RRM2: variants seen among roughly 807,000 people sequenced by gnomAD.
RRM2 encodes ribonucleoside-diphosphate reductase subunit M2.
Under a neutral mutation model 45.9 loss-of-function variants are expected in RRM2, and 6 were observed. The ratio of observed to expected loss-of-function variants is 0.13; its 90% CI spans 0.07 to 0.26. The LOEUF (loss-of-function observed/expected upper bound fraction) is 0.26, where lower values mean the gene tolerates loss of function less well. Among genes scored for constraint, RRM2 ranks in the 10% least tolerant of loss-of-function variants. The pLI, the probability that RRM2 is intolerant of heterozygous loss-of-function variation, is 1.00. For synonymous variants in RRM2, 177 were observed against 173.0 expected (o/e 1.02, Z -0.18); for missense variants, 343 against 489.5 (o/e 0.70, Z 2.82).
rs766886680 is a variant in RRM2 at position 10,123,004 on chromosome 2, C to G, written c.121C>G (p.Arg41Gly). The change falls in exon 2 of 10, where the codon CGC becomes GGC. Residue 41 changes from arginine to glycine, a missense_variant. Arg to Gly is a moderately radical substitution (Grantham distance 125). Coordinates refer to ENST00000304567, the MANE Select transcript of RRM2 (RefSeq NM_001034.4). The stretch of plus-strand genomic sequence containing the variant: ...GCAGCCGCCGGCCCTGAGCGGGACC[C>G]GCGTCCTGGCCAGCAAGACCGCGAG... ...ENTPPALSGTRVLASKTARRI... is the reference protein window; with the variant it reads ...ENTPPALSGTGVLASKTARRI... The G allele has an allele frequency of 1.3e-6, 2 of 1,562,244 alleles. No individual in the cohort carries two copies. Among genetic ancestry groups the G allele is most frequent in the African/African-American group, 1.3e-5 (1 of 74,340 alleles).
intron 3 of RRM2, among the ~76,000 whole-genome samples, chr2:10,176,211 G>GT (rs547983131): frequency 6.6e-6 from 1 of 152,106 alleles, no homozygotes; most frequent in Non-Finnish European, 1.5e-5. Context: ...CCTGTTTTCA[G>GT]TTTTTTTGGG....
At position 10,123,443 on chromosome 2, in the gene RRM2, C is replaced by T. The variant is rs748712181; in HGVS notation, c.231C>T (p.Pro77=). ...ATGAGCCGCTGCTGAGAGAAAACCC[C>T]CGCCGCTTTGTCATCTTCCCCATCG... The part of the protein sequence containing the change: ...VEDEPLLREN[P]RRFVIFPIEY... The change falls in exon 3 of 10, where the codon CCC becomes CCT. Residue 77 remains proline, a synonymous_variant. Transcript: ENST00000304567. 19 of 1,614,086 alleles carry T rather than the reference C, an allele frequency of 1.2e-5. No individual in the cohort carries two copies. The highest frequency in any genetic ancestry group is 2.5e-6 in the Non-Finnish European group (3 of 1,180,038).
chr2:10,173,784 C>T (rs1032580006), intron 3 of RRM2, among the ~76,000 whole-genome samples: 2 of 152,240 alleles, frequency 1.3e-5, no homozygotes, highest in Admixed American at 6.5e-5. Flanking sequence ...CGAGGGCCTG[C>T]GTCTTCCGGG....
In RRM2 at chr2:10,172,710, G is replaced by A. The variant is rs975244381; in HGVS notation, n.482+30335G>A. On this transcript the variant is annotated intron_variant and non_coding_transcript_variant, in intron 3 of 3. Transcript: ENST00000381786. This position sits in a 1 kb window ranked among gnomAD's most constrained non-coding sequence, Gnocchi z 4.9. ...TGAATAGAATCCTGGCGAAGGGAGG[G>A]GCTGGGTGTGTTGTTGCTGCACCCA... 6.6e-6 allele frequency among the ~76,000 whole-genome samples: 1 copy of A among 152,190 alleles called. No individual in the cohort carries two copies. The highest frequency in any genetic ancestry group is 1.5e-5 in the Non-Finnish European group (1 of 68,048).
In RRM2 at chr2:10,127,824, TTTA is replaced by T. The variant is rs1238958899; in HGVS notation, c.798+610_798+612del. Among the ~76,000 whole-genome samples the T allele has an allele frequency of 2.6e-5, 4 of 152,146 alleles. No individual in the cohort carries two copies. In the East Asian group the frequency reaches 5.8e-4, roughly 22 times the overall value. The stretch of plus-strand genomic sequence containing the variant: ...ATGGGATTGGGATTTTAAGGGATGT[TTTA>T]TTATTTTTGCCTGGTATTAATATGT... On this transcript the variant is annotated intron_variant, in intron 7 of 9. Coordinates refer to ENST00000304567, the MANE Select transcript of RRM2 (RefSeq NM_001034.4). This position sits in a 1 kb window ranked among gnomAD's most constrained non-coding sequence, Gnocchi z 4.1.
chr2:10,127,410 C>G lies in RRM2; in HGVS notation c.798+190C>G. On this transcript the variant is annotated intron_variant, in intron 7 of 9. Coordinates refer to ENST00000304567, the MANE Select transcript of RRM2 (RefSeq NM_001034.4). The surrounding 1 kb of genome is among the most constrained non-coding windows in gnomAD (Gnocchi z 4.1). ...ACTGAAACTGTTTTACTTGCATTCTCAATATATTGTAATACATTTGTACAT... is the reference window on the plus strand; with the variant it reads ...ACTGAAACTGTTTTACTTGCATTCTGAATATATTGTAATACATTTGTACAT... 2 of 608,784 alleles carry G rather than the reference C, an allele frequency of 3.3e-6. No individual in the cohort carries two copies. The highest frequency in any genetic ancestry group is 5.7e-6 in the Non-Finnish European group (2 of 349,034). 37.7% of individuals were successfully genotyped at this position (608,784 alleles called of 1,614,324 possible).
chr2:10,188,449 C>T (rs1343389214), intron 3 of RRM2, among the ~76,000 whole-genome samples: 5 of 152,202 alleles, frequency 3.3e-5, no homozygotes, highest in Non-Finnish European at 5.9e-5. Flanking sequence ...CCTGGAGTCT[C>T]GCCCTCATCT....
At chr2:10,140,732 G>C (rs1663064206), upstream of RRM2, among the ~76,000 whole-genome samples, 1 of 152,238 alleles carries the variant, frequency 6.6e-6, no homozygotes, top group African/African-American at 2.4e-5. Flanking sequence ...GGATAGAGAG[G>C]AAGGTGTCCC....
At chr2:10,160,674 G>A (rs1026154432) in intron 3 of RRM2, among the ~76,000 whole-genome samples, 1 of 152,000 alleles carries the variant, frequency 6.6e-6, no homozygotes, top group Non-Finnish European at 1.5e-5. Flanking sequence ...GACCACCCCC[G>A]CCTGCCAGAC....
chr2:10,122,735 GC>G (rs1558378376), upstream of RRM2: 7 of 1,552,570 alleles, frequency 4.5e-6, no homozygotes. Flanking sequence ...GTGAGGGGTC[GC>G]CCGTGCACCC....
intron 3 of RRM2, among the ~76,000 whole-genome samples, chr2:10,209,702 G>A (rs1664725402): frequency 6.6e-6 from 1 of 152,166 alleles, no homozygotes; most frequent in South Asian, 2.1e-4. Context: ...GCCACTCAGT[G>A]GGAAGTGGTG....
In RRM2 at chr2:10,171,209, G is replaced by A. The variant is rs555925652; in HGVS notation, n.482+28834G>A. On this transcript the variant is annotated intron_variant and non_coding_transcript_variant, in intron 3 of 3. Transcript: ENST00000381786. The surrounding 1 kb of genome is among the most constrained non-coding windows in gnomAD (Gnocchi z 4.1). ...CCCCTCCTCTGCTGGCTGGCAGCTT[G>A]GCCCAGCCTCCTCACTGGTGAACAG... Among the ~76,000 whole-genome samples the A allele has an allele frequency of 6.6e-6, 1 of 152,382 alleles. No individual in the cohort carries two copies. The highest frequency in any genetic ancestry group is 2.4e-5 in the African/African-American group (1 of 41,596).
intron 3 of RRM2, among the ~76,000 whole-genome samples, chr2:10,203,286 T>C (rs1384733012): frequency 6.6e-6 from 1 of 152,184 alleles, no homozygotes; most frequent in African/African-American, 2.4e-5. Context: ...GGCTTAAGGA[T>C]GGGTCTCGGG....
Position 10,205,008 on chromosome 2 carries a change from G to T in RRM2, n.483-5303G>T, listed in dbSNP as rs1234505909. 1.3e-5 allele frequency among the ~76,000 whole-genome samples: 2 copies of T among 152,240 alleles called. No individual in the cohort carries two copies. The highest frequency in any genetic ancestry group is 2.1e-4 in the South Asian group (1 of 4,836). On this transcript the variant is annotated intron_variant and non_coding_transcript_variant, in intron 3 of 3. Coordinates refer to the RRM2 transcript ENST00000381786. This position sits in a 1 kb window ranked among gnomAD's most constrained non-coding sequence, Gnocchi z 4.8. Reference sequence around the variant, plus strand: ...AGGCATAGTGTGAGCAAAGTCAGACGCAGTGGTTACAAGCAACCCCACGTG... The same window carrying T: ...AGGCATAGTGTGAGCAAAGTCAGACTCAGTGGTTACAAGCAACCCCACGTG...
chr2:10,193,045 C>G (rs1664344186), intron 3 of RRM2, among the ~76,000 whole-genome samples: 1 of 152,184 alleles, frequency 6.6e-6, no homozygotes, highest in South Asian at 2.1e-4. Context: ...CTGAGCAGCC[C>G]CTAGTCTTAC....
At chr2:10,149,011 C>T (rs1663251314) in intron 3 of RRM2, among the ~76,000 whole-genome samples, 1 of 152,126 alleles carries the variant, frequency 6.6e-6, no homozygotes, top group South Asian at 2.1e-4. Context: ...TTCATCATGA[C>T]TTTGAAGATA....
At chr2:10,210,557 C>T (rs771520618) in exon 4 of RRM2, 1 of 1,366,550 alleles carries the variant, frequency 7.3e-7, no homozygotes, top group Non-Finnish European at 9.8e-7. Context: ...GCCTGCGGAG[C>T]AGGTGGACCC....
At chr2:10,143,805 C>A (rs1250230701) in intron 3 of RRM2, among the ~76,000 whole-genome samples, 1 of 152,148 alleles carries the variant, frequency 6.6e-6, no homozygotes, top group African/African-American at 2.4e-5. Context: ...GTAGCTGGGA[C>A]TACAGGTGTG....
At chr2:10,144,308 C>T (rs886904243) in intron 3 of RRM2, among the ~76,000 whole-genome samples, 8 of 152,226 alleles carry the variant, frequency 5.3e-5, no homozygotes, top group South Asian at 2.1e-4. Context: ...GTCTCAGATA[C>T]GCTTGCTAAT....
Sources: allele counts gnomAD v4.1 joint callset (sites outside exome capture counted in the v4.1 genomes callset), GRCh38; gene constraint gnomAD v4.1.1; non-coding constraint Gnocchi (gnomAD v3.1); transcripts MANE v1.5; gene names NCBI Gene and HGNC (gene_info 2026-07-23, HGNC 2026-07-21).